The following ASPH variants were observed in gnomAD, a reference collection of about 807,000 sequenced individuals.
ASPH encodes the protein aspartate beta-hydroxylase, also known as aspartyl/asparaginyl beta-hydroxylase.
ASPH carries 100 observed loss-of-function variants against 118.4 expected under a neutral mutation model. That is an observed-to-expected ratio of 0.84 (90% confidence interval 0.72 to 1.00). ASPH has a LOEUF of 1.00. Ranked by LOEUF, ASPH falls within the 50% of genes least tolerant of loss-of-function variation. The probability of loss-of-function intolerance (pLI) is 0.00; values close to 1 mark genes in which losing one functional copy is unlikely to be tolerated. For missense variants in ASPH, 920 were observed against 919.5 expected, an observed-to-expected ratio of 1.00 and a Z score of -0.01; for synonymous variants, 315 against 325.6, an observed-to-expected ratio of 0.97 and a Z score of 0.35.
At chr8:61,640,149 G>A (rs946701438) in intron 10 of ASPH, among the ~76,000 whole-genome samples, 7 of 152,124 alleles carry the variant, frequency 4.6e-5, no homozygotes, top group Admixed American at 2.0e-4. Flanking sequence ...TCTCAGTAGC[G>A]CAGGGCACCA....
intron 21 of ASPH, among the ~76,000 whole-genome samples, chr8:61,541,243 A>T (rs907286919): frequency 6.6e-6 from 1 of 152,202 alleles, no homozygotes; most frequent in Non-Finnish European, 1.5e-5. Context: ...GGGCACCTGT[A>T]GTCCCAGCTA....
intron 3 of ASPH, among the ~76,000 whole-genome samples, chr8:61,669,616 A>T (rs190673881): frequency 6.6e-6 from 1 of 152,324 alleles, no homozygotes; most frequent in East Asian, 1.9e-4. Context: ...TATCAAAACT[A>T]TTCTCATAAT....
chr8:61,703,977 C>T lies in ASPH; in HGVS notation c.103+10292G>A, dbSNP rs1398441216. Reference sequence around the variant, plus strand: ...TTGGGAGGCCGAGGCGGGCGGATCACGAGGTCAGGAGATCGAGACCATCCC... The same window carrying T: ...TTGGGAGGCCGAGGCGGGCGGATCATGAGGTCAGGAGATCGAGACCATCCC... On this transcript the variant is annotated intron_variant, in intron 1 of 24. Coordinates refer to ENST00000379454, the MANE Select transcript of ASPH (RefSeq NM_004318.4). Among the ~76,000 whole-genome samples, 4 of 151,884 alleles carry T rather than the reference C, an allele frequency of 2.6e-5. No homozygotes were observed. The East Asian group carries it at 7.8e-4, about 29-fold the overall frequency.
chr8:61,606,607 A>G (rs1393514815), intron 14 of ASPH: 1 of 152,212 alleles, frequency 6.6e-6, no homozygotes, highest in Non-Finnish European at 1.5e-5. Context: ...TGCTAATTAA[A>G]TCCATTACTT....
chr8:61,616,031 T>C (rs1259656251), intron 14 of ASPH, among the ~76,000 whole-genome samples: 3 of 152,262 alleles, frequency 2.0e-5, no homozygotes, highest in African/African-American at 7.2e-5. Context: ...TGATTCATTA[T>C]TTCTTTTAAT....
intron 14 of ASPH, among the ~76,000 whole-genome samples, chr8:61,599,651 T>G (rs1196421941): frequency 1.3e-5 from 2 of 151,748 alleles, no homozygotes; most frequent in Non-Finnish European, 2.9e-5. Context: ...AATCATACAC[T>G]AACAAATTGA....
chr8:61,696,601 G>A (rs754474552), intron 1 of ASPH, among the ~76,000 whole-genome samples: 4 of 152,002 alleles, frequency 2.6e-5, no homozygotes, highest in African/African-American at 4.8e-5. Flanking sequence ...CTAATGAGTC[G>A]GCTCTGCAAA....
intron 3 of ASPH, among the ~76,000 whole-genome samples, chr8:61,653,912 A>G (rs1812353268): frequency 6.6e-6 from 1 of 152,196 alleles, no homozygotes; most frequent in African/African-American, 2.4e-5. Flanking sequence ...AATGTTCATG[A>G]ATCTCTAAAA....
chr8:61,675,336 T>TA (rs1018844978), intron 3 of ASPH: 34 of 950,030 alleles, frequency 3.6e-5, no homozygotes, highest in Middle Eastern at 5.4e-4. Flanking sequence ...ATGCCTACTT[T>TA]AAAAAAAATA....
intron 14 of ASPH, among the ~76,000 whole-genome samples, chr8:61,597,142 T>C (rs1428974956): frequency 8.3e-6 from 1 of 120,576 alleles, no homozygotes; most frequent in Admixed American, 9.6e-5. Flanking sequence ...CTAGATTGAA[T>C]AGAAGGAAAA....
At chr8:61,559,298 A>T (rs529043523) in intron 18 of ASPH, among the ~76,000 whole-genome samples, 76 of 152,294 alleles carry the variant, frequency 5.0e-4, no homozygotes, top group African/African-American at 1.8e-3. Flanking sequence ...TGTTTATGCT[A>T]CCCGGTGGCT....
chr8:61,641,005 T>C (rs140589166), intron 10 of ASPH, among the ~76,000 whole-genome samples: 220 of 152,356 alleles, frequency 1.4e-3, no homozygotes, highest in African/African-American at 4.9e-3. Context: ...TTGGTTTCTC[T>C]GCTCTGATTC....
At chr8:61,525,353 CACGCACACACACACACAT>C (rs1433806585) in intron 22 of ASPH, among the ~76,000 whole-genome samples, 2 of 135,636 alleles carry the variant, frequency 1.5e-5, no homozygotes, top group Admixed American at 1.5e-4. Flanking sequence ...AACACACACA[CACGCACACACACACACAT>C]ACACACACGC....
intron 1 of ASPH, among the ~76,000 whole-genome samples, chr8:61,685,181 A>T (rs749705474): frequency 6.6e-6 from 1 of 152,002 alleles, no homozygotes; most frequent in Non-Finnish European, 1.5e-5. Flanking sequence ...ATGCAGGACA[A>T]TGTTTCATCC....
chr8:61,578,586 T>A, intron 15 of ASPH: 1 of 1,518,222 alleles, frequency 6.6e-7, no homozygotes, highest in South Asian at 1.1e-5. Context: ...GGAGACCAAG[T>A]GGAGCCTCCT....
At chr8:61,646,681 AG>A (rs1808148460) in intron 6 of ASPH, 68 bp downstream of exon 6, 1 of 1,480,636 alleles carries the variant, frequency 6.8e-7, no homozygotes. Context: ...AAGGGGTTTA[AG>A]AAAAACTTCA....
At chr8:61,549,560 T>C (rs1458183640) in intron 20 of ASPH, among the ~76,000 whole-genome samples, 1 of 152,196 alleles carries the variant, frequency 6.6e-6, no homozygotes, top group South Asian at 2.1e-4. Flanking sequence ...TTACAATACA[T>C]GTAAGTTGTA....
intron 3 of ASPH, among the ~76,000 whole-genome samples, chr8:61,670,147 TA>T: frequency 6.6e-6 from 1 of 151,752 alleles, no homozygotes; most frequent in South Asian, 2.1e-4. Flanking sequence ...AAGAAAAGTA[TA>T]TAGACATGAA....
chr8:61,656,441 C>T (rs1051145425), intron 3 of ASPH: 20 of 152,340 alleles, frequency 1.3e-4, no homozygotes, highest in Admixed American at 1.1e-3. Flanking sequence ...TCTTGCTCTG[C>T]TTCTTTCTTA....
Sources: gnomAD v4.1 joint callset for allele counts (sites outside exome capture counted in the v4.1 genomes callset) on GRCh38, gnomAD v4.1.1 for gene constraint, MANE v1.5 for transcripts, NCBI Gene and HGNC (gene_info 2026-07-23, HGNC 2026-07-21) for gene names.